Variants in SCHIP1 observed in about 807,000 individuals in gnomAD.
SCHIP1 encodes the protein schwannomin interacting protein 1.
Under a neutral mutation model 29.7 loss-of-function variants are expected in SCHIP1, and 8 were observed. The observed-to-expected ratio is 0.27, with a 90% CI of 0.16 to 0.49. The LOEUF (loss-of-function observed/expected upper bound fraction) is 0.49, where lower values mean the gene tolerates loss of function less well. Ranked by LOEUF, SCHIP1 falls within the 20% of genes least tolerant of loss-of-function variation. The probability of loss-of-function intolerance (pLI) is 0.99; values close to 1 mark genes in which losing one functional copy is unlikely to be tolerated. For synonymous variants in SCHIP1, 76 were observed against 94.9 expected (o/e 0.80, Z 1.16); for missense variants, 193 against 294.6 (o/e 0.66, Z 2.52).
the SCHIP1 span, among the ~76,000 whole-genome samples, chr3:159,624,068 G>A: frequency 6.6e-6 from 1 of 152,074 alleles, no homozygotes; most frequent in Non-Finnish European, 1.5e-5. Flanking sequence ...TATGGCAAAG[G>A]TATCTTGTGA....
chr3:159,809,097 A>G, the SCHIP1 span, among the ~76,000 whole-genome samples: 1 of 149,904 alleles, frequency 6.7e-6, no homozygotes, highest in African/African-American at 2.5e-5. Context: ...TCAACTCATC[A>G]TTTACATTAG....
At chr3:159,601,914 C>T in the SCHIP1 span, among the ~76,000 whole-genome samples, 38 of 152,292 alleles carry the variant, frequency 2.5e-4, no homozygotes, top group African/African-American at 6.5e-4. Flanking sequence ...GCTATTGTTC[C>T]GAGAGCAGAA....
At chr3:159,632,886 A>C in the SCHIP1 span, among the ~76,000 whole-genome samples, 3 of 152,154 alleles carry the variant, frequency 2.0e-5, no homozygotes, top group African/African-American at 7.2e-5. Context: ...CTTAACTGTT[A>C]AGGGGCACAT....
the SCHIP1 span, among the ~76,000 whole-genome samples, chr3:159,692,012 T>C: frequency 6.4e-5 from 9 of 141,130 alleles, no homozygotes; most frequent in Non-Finnish European, 1.1e-4. Context: ...ACCCGACCTT[T>C]CTTTTTTTTT....
At chr3:159,873,065 C>T (rs185360795) in intron 2 of SCHIP1, among the ~76,000 whole-genome samples, 1 of 152,228 alleles carries the variant, frequency 6.6e-6, no homozygotes, top group Admixed American at 6.5e-5. Flanking sequence ...CAAGGATTAC[C>T]TCTAGTATTC....
At chr3:159,505,308 G>A in the SCHIP1 span, among the ~76,000 whole-genome samples, 1 of 152,038 alleles carries the variant, frequency 6.6e-6, no homozygotes, top group African/African-American at 2.4e-5. Context: ...CAATCCAATG[G>A]AAATCTCAAC....
At chr3:159,653,950 C>G in the SCHIP1 span, among the ~76,000 whole-genome samples, 1 of 151,926 alleles carries the variant, frequency 6.6e-6, no homozygotes, top group African/African-American at 2.4e-5. Flanking sequence ...TCATGTACCC[C>G]CTAAAAATGA....
the SCHIP1 span, among the ~76,000 whole-genome samples, chr3:159,607,184 A>C: frequency 2.0e-5 from 3 of 152,212 alleles, no homozygotes; most frequent in African/African-American, 7.2e-5. Context: ...ATTAAATTCT[A>C]TATACACATA....
chr3:159,672,735 G>T, the SCHIP1 span, among the ~76,000 whole-genome samples: 1,445 of 152,328 alleles, frequency 9.5e-3, 22 homozygotes, highest in African/African-American at 0.032. Context: ...CTCTATGAGA[G>T]ACCTTGCTGG....
the SCHIP1 span, among the ~76,000 whole-genome samples, chr3:159,397,982 G>T: frequency 1.3e-5 from 2 of 152,146 alleles, no homozygotes; most frequent in African/African-American, 4.8e-5. Flanking sequence ...GCGAGACTCC[G>T]TGGGTGCAGG....
chr3:159,515,108 C>T, the SCHIP1 span, among the ~76,000 whole-genome samples: 19 of 152,206 alleles, frequency 1.2e-4, no homozygotes, highest in African/African-American at 4.6e-4. Flanking sequence ...CACCATAACC[C>T]CTGGCTGGGA....
chr3:159,784,656 A>G, the SCHIP1 span, among the ~76,000 whole-genome samples: 1 of 152,152 alleles, frequency 6.6e-6, no homozygotes, highest in Non-Finnish European at 1.5e-5. Context: ...GGAAAAGTAA[A>G]TGGTTTTATT....
At chr3:159,638,249 A>G in the SCHIP1 span, among the ~76,000 whole-genome samples, 1 of 152,186 alleles carries the variant, frequency 6.6e-6, no homozygotes, top group East Asian at 1.9e-4. Flanking sequence ...GATAACCTCT[A>G]AGGTCTCTCA....
chr3:159,654,588 G>A, the SCHIP1 span, among the ~76,000 whole-genome samples: 7 of 151,962 alleles, frequency 4.6e-5, no homozygotes, highest in African/African-American at 1.7e-4. Context: ...CCTATAATTT[G>A]AGGATATGAG....
At chr3:159,505,493 T>C in the SCHIP1 span, among the ~76,000 whole-genome samples, 1 of 152,210 alleles carries the variant, frequency 6.6e-6, no homozygotes, top group South Asian at 2.1e-4. Context: ...TTTATTATAC[T>C]TTAAGTTCTA....
At chr3:159,717,728 G>A in the SCHIP1 span, among the ~76,000 whole-genome samples, 25 of 152,180 alleles carry the variant, frequency 1.6e-4, no homozygotes, top group African/African-American at 5.8e-4. Context: ...TGAAATTGAG[G>A]CAATAATTAA....
the SCHIP1 span, among the ~76,000 whole-genome samples, chr3:159,624,772 C>A: frequency 6.6e-6 from 1 of 152,062 alleles, no homozygotes; most frequent in Non-Finnish European, 1.5e-5. Context: ...ATCCAGGGCC[C>A]CAAGGAAGAA....
chr3:159,359,148 G>C, the SCHIP1 span, among the ~76,000 whole-genome samples: 1 of 151,738 alleles, frequency 6.6e-6, no homozygotes, highest in Non-Finnish European at 1.5e-5. Context: ...GGATGATCTC[G>C]ATCTCCTGAC....
chr3:159,370,966 T>C, the SCHIP1 span, among the ~76,000 whole-genome samples: 10 of 152,326 alleles, frequency 6.6e-5, no homozygotes, highest in East Asian at 1.9e-3. Context: ...ACCTCCATAA[T>C]CACATGAACC....
Sources: allele counts gnomAD v4.1 joint callset (sites outside exome capture counted in the v4.1 genomes callset), GRCh38; gene constraint gnomAD v4.1.1; transcripts MANE v1.5; gene names NCBI Gene and HGNC (gene_info 2026-07-23, HGNC 2026-07-21).